The following CTNNA2 variants were observed in gnomAD, a reference collection of about 807,000 sequenced individuals.
The protein encoded by CTNNA2 is catenin alpha 2.
CTNNA2 carries 42 observed loss-of-function variants against 101.0 expected under a neutral mutation model. The observed-to-expected ratio is 0.42, with a 90% CI of 0.32 to 0.54. The LOEUF (loss-of-function observed/expected upper bound fraction) is 0.54, where lower values mean the gene tolerates loss of function less well. CTNNA2 is among the 20% of genes least tolerant of loss of function. CTNNA2 has a pLI of 0.14. For missense variants in CTNNA2, 871 were observed against 1,223.1 expected (o/e 0.71, Z 4.29); for synonymous variants, 450 against 456.4 (o/e 0.99, Z 0.18).
chr2:80,011,342 A>G (rs772469323), intron 7 of CTNNA2, among the ~76,000 whole-genome samples: 3 of 152,174 alleles, frequency 2.0e-5, no homozygotes, highest in Non-Finnish European at 2.9e-5. Flanking sequence ...GTATATAGAA[A>G]TATGACAGAA....
intron 7 of CTNNA2, among the ~76,000 whole-genome samples, chr2:80,010,530 C>T (rs58308366): frequency 0.036 from 5,467 of 152,114 alleles, 329 homozygotes; most frequent in African/African-American, 0.12. Flanking sequence ...TCTTGAACTC[C>T]TAGGCTAAAG....
chr2:79,821,436 T>C (rs1266133037), intron 3 of CTNNA2, among the ~76,000 whole-genome samples: 1 of 152,188 alleles, frequency 6.6e-6, no homozygotes, highest in African/African-American at 2.4e-5. Context: ...CTTGAACTTC[T>C]GGCCTCAAGC....
chr2:79,793,743 C>G (rs1232052335), intron 3 of CTNNA2, among the ~76,000 whole-genome samples: 1 of 152,114 alleles, frequency 6.6e-6, no homozygotes, highest in East Asian at 1.9e-4. Flanking sequence ...CCTCCTTCAC[C>G]ATTAGGTCTT....
chr2:80,552,547 A>C (rs990741958), intron 11 of CTNNA2, among the ~76,000 whole-genome samples: 2 of 152,210 alleles, frequency 1.3e-5, no homozygotes, highest in African/African-American at 4.8e-5. Flanking sequence ...ACACTGAGTA[A>C]ACTGTAATTA....
chr2:80,203,971 G>A (rs1302342586), intron 7 of CTNNA2, among the ~76,000 whole-genome samples: 3 of 152,188 alleles, frequency 2.0e-5, no homozygotes, highest in Non-Finnish European at 4.4e-5. Context: ...AAGCTGCCAA[G>A]GCTTGAGGCT....
At chr2:80,493,104 A>G (rs1049734177) in intron 9 of CTNNA2, among the ~76,000 whole-genome samples, 3 of 152,178 alleles carry the variant, frequency 2.0e-5, no homozygotes, top group African/African-American at 4.8e-5. Flanking sequence ...GAGGAAAAAC[A>G]TAAATATGCA....
chr2:79,628,017 A>T (rs956549406), intron 1 of CTNNA2, among the ~76,000 whole-genome samples: 1 of 152,196 alleles, frequency 6.6e-6, no homozygotes, highest in African/African-American at 2.4e-5. Context: ...TGTACACATA[A>T]GTATAGATAG....
intron 15 of CTNNA2, among the ~76,000 whole-genome samples, chr2:80,590,463 A>G (rs216632): frequency 0.55 from 83,133 of 151,430 alleles, 23,048 homozygotes; most frequent in East Asian, 0.65. Flanking sequence ...ACACATATGC[A>G]AAGATGTTTT....
chr2:80,532,289 C>T (rs1014744601), intron 9 of CTNNA2, among the ~76,000 whole-genome samples: 1 of 152,122 alleles, frequency 6.6e-6, no homozygotes, highest in African/African-American at 2.4e-5. Context: ...ATAACTCATA[C>T]ATTTTAAATT....
chr2:79,955,448 A>G (rs1365490697), intron 7 of CTNNA2, among the ~76,000 whole-genome samples: 2 of 152,170 alleles, frequency 1.3e-5, no homozygotes, highest in Non-Finnish European at 2.9e-5. Context: ...CACAGGTCAG[A>G]GTGTAGAGAA....
chr2:79,726,120 G>C (rs1428267493), intron 2 of CTNNA2, among the ~76,000 whole-genome samples: 1 of 151,780 alleles, frequency 6.6e-6, no homozygotes, highest in African/African-American at 2.4e-5. Flanking sequence ...TTTAACCTTT[G>C]ACACTAGATT....
chr2:79,687,032 C>A (rs1433644187), intron 2 of CTNNA2, among the ~76,000 whole-genome samples: 1 of 152,136 alleles, frequency 6.6e-6, no homozygotes, highest in African/African-American at 2.4e-5. Context: ...AGTCAGACAT[C>A]ACTTCATCAA....
At chr2:80,071,910 A>G (rs1698369861) in intron 7 of CTNNA2, among the ~76,000 whole-genome samples, 1 of 152,218 alleles carries the variant, frequency 6.6e-6, no homozygotes, top group African/African-American at 2.4e-5. Context: ...AGTAAAGTTT[A>G]TCTCCTGCAG....
chr2:79,973,648 G>A (rs1472514914), intron 7 of CTNNA2, among the ~76,000 whole-genome samples: 1 of 152,150 alleles, frequency 6.6e-6, no homozygotes, highest in Non-Finnish European at 1.5e-5. Flanking sequence ...ATTTATTCAG[G>A]AATAGGGCAT....
chr2:79,282,256 G>A (rs1444313627), intron 2 of CTNNA2, among the ~76,000 whole-genome samples: 1 of 151,448 alleles, frequency 6.6e-6, no homozygotes, highest in Non-Finnish European at 1.5e-5. Context: ...TTTAAAATTT[G>A]TTTATTTATT....
At chr2:80,024,211 T>G (rs911752585) in intron 7 of CTNNA2, among the ~76,000 whole-genome samples, 1 of 152,136 alleles carries the variant, frequency 6.6e-6, no homozygotes, top group Non-Finnish European at 1.5e-5. Flanking sequence ...TATGTAGTGA[T>G]TGTGATAGAG....
intron 3 of CTNNA2, among the ~76,000 whole-genome samples, chr2:79,323,816 A>T (rs2104411790): frequency 6.6e-6 from 1 of 152,306 alleles, no homozygotes; most frequent in South Asian, 2.1e-4. Context: ...AAGGAAGATA[A>T]CAGGAAGAGT....
chr2:80,339,565 T>C (rs1259047101), intron 7 of CTNNA2, among the ~76,000 whole-genome samples: 1 of 152,124 alleles, frequency 6.6e-6, no homozygotes. Flanking sequence ...CCAGTGTGGA[T>C]TTAGAAATTG....
chr2:79,913,725 G>A (rs1190754634), intron 7 of CTNNA2, among the ~76,000 whole-genome samples: 2 of 152,180 alleles, frequency 1.3e-5, no homozygotes, highest in East Asian at 3.9e-4. Flanking sequence ...TAAGAAGAAT[G>A]TGTCTGTTTT....
Sources: gnomAD v4.1 joint callset for allele counts (sites outside exome capture counted in the v4.1 genomes callset) on GRCh38, gnomAD v4.1.1 for gene constraint, MANE v1.5 for transcripts, NCBI Gene and HGNC (gene_info 2026-07-23, HGNC 2026-07-21) for gene names.